Variants in GGCX observed in about 807,000 individuals in gnomAD.
GGCX encodes the protein vitamin K-dependent gamma-carboxylase.
Under a neutral mutation model 88.5 loss-of-function variants are expected in GGCX, and 63 were observed. The observed-to-expected ratio is 0.71, with a 90% CI of 0.58 to 0.88. The LOEUF (loss-of-function observed/expected upper bound fraction) is 0.88, where lower values mean the gene tolerates loss of function less well. Among genes scored for constraint, GGCX ranks in the 40% least tolerant of loss-of-function variants. The pLI is 0.00. For synonymous variants in GGCX, 368 were observed against 365.8 expected, an observed-to-expected ratio of 1.01 and a Z score of -0.07; for missense variants, 805 against 932.9, an observed-to-expected ratio of 0.86 and a Z score of 1.79.
At chr2:85,558,764 T>C in intron 3 of GGCX, 153 bp downstream of exon 3, 2 of 869,210 alleles carry the variant, frequency 2.3e-6, no homozygotes, top group East Asian at 5.2e-5. Flanking sequence ...AAAAGAATTA[T>C]GGGATCACAG....
Position 85,551,529 on chromosome 2 carries a change from A to C in GGCX, c.1691T>G (p.Leu564Arg), listed in dbSNP as rs1691953284. The C allele has an allele frequency of 1.9e-6, 3 of 1,613,966 alleles. No homozygotes were observed. The highest frequency in any genetic ancestry group is 2.7e-5 in the African/African-American group (2 of 75,004). The change falls in exon 12 of 15, where the codon CTT (leucine) becomes CGT (arginine). Residue 564 changes from leucine (L) to arginine (R), a missense_variant. This residue lies in a region of GGCX where 680 missense variants were observed against 763.7 expected (regional missense o/e 0.89). Coordinates refer to ENST00000233838, the MANE Select transcript of GGCX (RefSeq NM_000821.7). ...AGTCTGGTTCTTCTGTTCTGCCACA[A>C]GCTCCACAGTCACTTCCCCCTGCAG... ...QLLQGEVTVE[L>R]VAEQKNQTLR... is the part of the protein sequence containing the mutation.
chr2:85,548,040 T>G lies in GGCX; in HGVS notation c.*1894A>C, dbSNP rs988398693. The stretch of plus-strand genomic sequence containing the variant: ...TGGGAAACCATGTCTCTACTAAAAA[T>G]ACAAAAATTAGTTGGGCGTGGTGGT... On this transcript the variant is annotated 3_prime_UTR_variant, in exon 15 of 15. Transcript: ENST00000233838. The G allele has an allele frequency of 3.9e-5, 6 of 152,058 alleles. No individual in the cohort carries two copies. Among genetic ancestry groups the G allele is most frequent in the African/African-American group, 9.7e-5 (4 of 41,398 alleles). 9.4% of individuals were successfully genotyped at this position (152,058 alleles called of 1,614,324 possible). A position where few individuals can be genotyped will look rare whatever the true frequency, so the allele number is the denominator to read the frequency against.
chr2:85,556,960 T>C (rs1692227085), intron 4 of GGCX, among the ~76,000 whole-genome samples: 1 of 152,220 alleles, frequency 6.6e-6, no homozygotes, highest in Admixed American at 6.5e-5. Flanking sequence ...AATACTTAGC[T>C]TCTTTATCTT....
Position 85,546,942 on chromosome 2 carries a change from G to A in GGCX, c.*2992C>T, listed in dbSNP as rs1366993217. On this transcript the variant is annotated 3_prime_UTR_variant, in exon 15 of 15. Transcript: ENST00000233838. ...CCTCCAAGTTGGTAGAATAGCATGA[G>A]AAGTTTTCAAAAGTAACCGCTTTAA... is the stretch of plus-strand genomic sequence containing the variant. 1 of 152,212 alleles carries A rather than the reference G, an allele frequency of 6.6e-6. No individual in the cohort carries two copies. The highest frequency in any genetic ancestry group is 2.4e-5 in the African/African-American group (1 of 41,452). The allele number at this position is 152,212 out of a possible 1,614,324, so 9.4% of individuals were successfully genotyped here.
chr2:85,547,641 A>C lies in GGCX; in HGVS notation c.*2293T>G, dbSNP rs944141091. 1 of 152,252 alleles carries C rather than the reference A, an allele frequency of 6.6e-6. No homozygotes were observed. The highest frequency in any genetic ancestry group is 1.5e-5 in the Non-Finnish European group (1 of 68,036). 9.4% of individuals were successfully genotyped at this position (152,252 alleles called of 1,614,324 possible). A position where few individuals can be genotyped will look rare whatever the true frequency, so the allele number is the denominator to read the frequency against. On this transcript the variant is annotated 3_prime_UTR_variant, in exon 15 of 15. Coordinates refer to ENST00000233838, the MANE Select transcript of GGCX (RefSeq NM_000821.7). The stretch of plus-strand genomic sequence containing the variant: ...GCAAAGTATCTTCTATTGTGTTACT[A>C]TGAGAGAAGATCTGCAAAAGGATTG...
rs564780945 is a variant in GGCX, at chr2:85,553,625, A to G, written c.890-128T>C. On this transcript the variant is annotated intron_variant, in intron 7 of 14. Coordinates refer to ENST00000233838, the MANE Select transcript of GGCX (RefSeq NM_000821.7). ...GTAGTTCTTCTTTTTTTTTTGAGAC[A>G]GTCTTTCTCTGTCGCCCAGGCTGGA... 5.5e-6 allele frequency: 5 copies of G among 906,342 alleles called. No homozygotes were observed. In the South Asian group the frequency reaches 7.3e-5, roughly 13 times the overall value. The allele number at this position is 906,342 out of a possible 1,614,324, so 56.1% of individuals were successfully genotyped here.
Position 85,553,374 on chromosome 2 carries a change from T to TGAG in GGCX, c.1010_1012dup (p.Pro337dup). ...CTTATACACACAGGAAACACTGGGC[T>TGAG]GAGGGGCTGCCTTGAGGGGCAACAG... On this transcript the variant is annotated inframe_insertion, in exon 8 of 15. Transcript: ENST00000233838. 1.2e-6 allele frequency: 2 copies of TGAG among 1,614,208 alleles called. No individual in the cohort carries two copies. Among genetic ancestry groups the TGAG allele is most frequent in the Non-Finnish European group, 1.7e-6 (2 of 1,180,042 alleles).
intron 6 of GGCX, 66 bp from the exon 7 acceptor site, chr2:85,554,372 C>G: frequency 6.9e-7 from 1 of 1,441,078 alleles, no homozygotes; most frequent in Admixed American, 1.7e-5. Context: ...ACATTCACAG[C>G]ACGAATGTGC....
rs1248651628 is a variant in GGCX, at chr2:85,545,700, C to A, written c.*4234G>T. The A allele has an allele frequency of 6.7e-6, 1 of 148,174 alleles. No homozygotes were observed. Among genetic ancestry groups the A allele is most frequent in the Non-Finnish European group, 1.5e-5 (1 of 68,022 alleles). 9.2% of individuals were successfully genotyped at this position (148,174 alleles called of 1,614,324 possible). A position where few individuals can be genotyped will look rare whatever the true frequency, so the allele number is the denominator to read the frequency against. ...TTCAACTAAGGTTGAGGGCTTCAAA[C>A]CATTGAAGGCATAAAAACCGCTAAA... On this transcript the variant is annotated 3_prime_UTR_variant, in exon 15 of 15. Coordinates refer to ENST00000233838, the MANE Select transcript of GGCX (RefSeq NM_000821.7).
At chr2:85,557,812 T>G (rs1386325562) in intron 4 of GGCX, among the ~76,000 whole-genome samples, 1 of 152,038 alleles carries the variant, frequency 6.6e-6, no homozygotes, top group Non-Finnish European at 1.5e-5. Flanking sequence ...AATGTTTGAG[T>G]TTTTTTCCCC....
intron 3 of GGCX, 126 bp downstream of exon 3, chr2:85,558,791 G>A: frequency 1.1e-6 from 1 of 929,124 alleles, no homozygotes; most frequent in Admixed American, 1.9e-5. Flanking sequence ...TGACACACAG[G>A]TCAACAGCAT....
In GGCX at chr2:85,546,286, T is replaced by TTAG. The variant is rs1691660195; in HGVS notation, c.*3645_*3647dup. On this transcript the variant is annotated 3_prime_UTR_variant, in exon 15 of 15. Coordinates refer to ENST00000233838, the MANE Select transcript of GGCX (RefSeq NM_000821.7). ...TGTCTCTACTAAAAATATAAAAAAG[T>TTAG]TAGCCAGGCACCTGTAGTCCCAGCT... 6.6e-6 allele frequency: 1 copy of TTAG among 152,094 alleles called. No homozygotes were observed. The highest frequency in any genetic ancestry group is 2.4e-5 in the African/African-American group (1 of 41,376). 9.4% of individuals were successfully genotyped at this position (152,094 alleles called of 1,614,324 possible).
In GGCX at chr2:85,560,940, T is replaced by G. The variant is rs1318859460; in HGVS notation, c.89A>C (p.Gln30Pro). ...CAAGAGTTTCCCTATTCGGCTGTCC[T>G]GCCTGGGCCCTGAGATCAGTTCAGC... ...DKAELISGPR[Q>P]DSRIGKLLGF... is the part of the protein sequence containing the mutation. The change falls in exon 2 of 15, where the codon CAG (glutamine) becomes CCG (proline). Residue 30 changes from glutamine to proline, a missense_variant. Physicochemically the swap from Gln to Pro is moderately conservative, Grantham distance 76. This residue lies in a region of GGCX where 64 missense variants were observed against 57.4 expected (regional missense o/e 1.12). Coordinates refer to ENST00000233838, the MANE Select transcript of GGCX (RefSeq NM_000821.7). 1.7e-5 allele frequency: 28 copies of G among 1,614,066 alleles called. No individual in the cohort carries two copies. Among genetic ancestry groups the G allele is most frequent in the Non-Finnish European group, 2.4e-5 (28 of 1,179,898 alleles).
In GGCX at chr2:85,551,474, A is replaced by C. The variant is rs756773111; in HGVS notation, c.1740+6T>G. 47 of 1,613,884 alleles carry C rather than the reference A, an allele frequency of 2.9e-5. 2 individuals are homozygous for C. In the South Asian group the frequency reaches 4.9e-4, roughly 17 times the overall value. ...CTTTCTGCTGTTGTTAATCCCAGCA[A>C]AATACCTGCATTTTTTCTCCCTCTC... On this transcript the variant is annotated splice_donor_region_variant and intron_variant, in intron 12 of 14. Transcript: ENST00000233838.
chr2:85,559,279 G>A (rs766336378), intron 2 of GGCX, among the ~76,000 whole-genome samples: 1 of 152,144 alleles, frequency 6.6e-6, no homozygotes, highest in Non-Finnish European at 1.5e-5. Flanking sequence ...CCTGCAGCTC[G>A]GTTAACCAAT....
chr2:85,558,429 C>CA lies in GGCX; in HGVS notation c.539+10_539+11insT, dbSNP rs749085038. 2 of 1,612,022 alleles carry CA rather than the reference C, an allele frequency of 1.2e-6. No individual in the cohort carries two copies. On this transcript the variant is annotated intron_variant, in intron 4 of 14. Coordinates refer to ENST00000233838, the MANE Select transcript of GGCX (RefSeq NM_000821.7). ...AGCCAACCCCTCCCCTTTGTCCCCC[C>CA]TGACTCATACCAGTAGTGGTTTGCA... is the stretch of plus-strand genomic sequence containing the variant.
chr2:85,553,751 C>T, intron 7 of GGCX: 1 of 513,486 alleles, frequency 1.9e-6, no homozygotes, highest in East Asian at 3.7e-5. Flanking sequence ...AGGCATGCGC[C>T]ACCATGCTCA....
Position 85,558,972 on chromosome 2 carries a change from G to A in GGCX, c.318C>T (p.Ala106=). 1.2e-6 allele frequency: 2 copies of A among 1,613,842 alleles called. No homozygotes were observed. The highest frequency in any genetic ancestry group is 1.6e-4 in the Middle Eastern group (1 of 6,062). Residue 106 remains alanine, a synonymous_variant, in exon 3 of 15, where the codon GCC becomes GCT. Coordinates refer to ENST00000233838, the MANE Select transcript of GGCX (RefSeq NM_000821.7). ...LDVCRFPLLD[A]LRPLPLDWMY... ...TCCAGTCAAGTGGCAGTGGGCGTAG[G>A]GCATCCAGCAAGGGGAAGCGGCACA...
intron 4 of GGCX, among the ~76,000 whole-genome samples, chr2:85,557,771 T>TAAATAAAAAG (rs1692264957): frequency 6.6e-6 from 1 of 151,872 alleles, no homozygotes; most frequent in African/African-American, 2.4e-5. Flanking sequence ...AAAAGAAAAA[T>TAAATAAAAAG]AAATAAAACT....
Sources: gnomAD v4.1 joint callset for allele counts (sites outside exome capture counted in the v4.1 genomes callset) on GRCh38, gnomAD v4.1.1 for gene constraint, gnomAD v4.1.1 regional missense constraint, MANE v1.5 for transcripts, NCBI Gene and HGNC (gene_info 2026-07-23, HGNC 2026-07-21) for gene names.